Variants in MYH3 observed in about 807,000 individuals in gnomAD.
MYH3 encodes the protein myosin heavy chain 3, also known as myosin-3.
Under a neutral mutation model 238.0 loss-of-function variants are expected in MYH3, and 130 were observed. The ratio of observed to expected loss-of-function variants is 0.55; its 90% CI spans 0.47 to 0.63. MYH3 has a LOEUF of 0.63. Ranked by LOEUF, MYH3 falls within the 30% of genes least tolerant of loss-of-function variation. The pLI, the probability that MYH3 is intolerant of heterozygous loss-of-function variation, is 0.00. For missense variants in MYH3, 1,853 were observed against 2,374.9 expected, an observed-to-expected ratio of 0.78 and a Z score of 4.57; for synonymous variants, 880 against 924.1, an observed-to-expected ratio of 0.95 and a Z score of 0.86.
the MYH3 span, among the ~76,000 whole-genome samples, chr17:10,668,364 C>A: frequency 6.6e-6 from 1 of 152,236 alleles, no homozygotes; most frequent in East Asian, 1.9e-4. Flanking sequence ...CACTGTACTC[C>A]AGCCTGGGGG....
At chr17:10,637,325 G>A (rs1485648080) in intron 28 of MYH3, among the ~76,000 whole-genome samples, 1 of 152,110 alleles carries the variant, frequency 6.6e-6, no homozygotes, top group Non-Finnish European at 1.5e-5. Flanking sequence ...CTCCCAAAGT[G>A]CTGGGTTGAC....
intron 28 of MYH3, among the ~76,000 whole-genome samples, chr17:10,637,561 G>T (rs2074227087): frequency 1.3e-5 from 2 of 152,148 alleles, no homozygotes; most frequent in African/African-American, 4.8e-5. Flanking sequence ...TGAATGAGAT[G>T]ATATTTTGAG....
the MYH3 span, among the ~76,000 whole-genome samples, chr17:10,666,972 T>C: frequency 4.6e-5 from 7 of 151,922 alleles, no homozygotes; most frequent in Non-Finnish European, 8.8e-5. Context: ...TTTAAACATA[T>C]GAAAAATGCT....
In MYH3 at chr17:10,640,563, C is replaced by T. The variant is rs573273231; in HGVS notation, c.2289G>A (p.Lys763=). The part of the protein sequence containing the change: ...DHTQYKFGHT[K]VFFKAGLLGT... ...GCATCTGTCAGAACTGATGCATTAC[C>T]TTGGTATGTCCAAATTTGTACTGAG... Residue 763 remains lysine, a splice_region_variant and synonymous_variant, in exon 20 of 41, where the codon AAG becomes AAA. Transcript: ENST00000583535. 6.2e-7 allele frequency: 1 copy of T among 1,614,236 alleles called. No individual in the cohort carries two copies. Among genetic ancestry groups the T allele is most frequent in the South Asian group, 1.1e-5 (1 of 91,084 alleles).
At position 10,630,011 on chromosome 17, in the gene MYH3, G is replaced by C. The variant is rs1036053893; in HGVS notation, c.5563-74C>G. ...GCACACGGCATGGGCAGCTTTCTGG[G>C]CCAAAGTGTTTCTTCCTGTGGTTTG... On this transcript the variant is annotated intron_variant, in intron 38 of 40. Transcript: ENST00000583535. 5.0e-6 allele frequency: 8 copies of C among 1,603,922 alleles called. No homozygotes were observed. In the Admixed American group the frequency reaches 6.7e-5, roughly 13 times the overall value.
At chr17:10,629,960 G>C (rs1303745159) in intron 38 of MYH3, 23 bp from the exon 39 acceptor site, 1 of 1,613,094 alleles carries the variant, frequency 6.2e-7, no homozygotes, top group Non-Finnish European at 8.5e-7. Flanking sequence ...AAGTGGGAAT[G>C]TCACTGGAGA....
Position 10,644,340 on chromosome 17 carries a change from G to A in MYH3, c.1410+11C>T. On this transcript the variant is annotated intron_variant, in intron 14 of 40. Coordinates refer to ENST00000583535, the MANE Select transcript of MYH3 (RefSeq NM_002470.4). The stretch of plus-strand genomic sequence containing the variant: ...AAGCCATATGAAAATATGAATATAA[G>A]TAACACAAACCTCAAAGATTTCAAA... 1 of 1,612,852 alleles carries A rather than the reference G, an allele frequency of 6.2e-7. No individual in the cohort carries two copies. The highest frequency in any genetic ancestry group is 8.5e-7 in the Non-Finnish European group (1 of 1,178,914).
intron 4 of MYH3, chr17:10,651,944 T>C (rs2074380132): frequency 2.3e-6 from 1 of 426,974 alleles, no homozygotes; most frequent in Non-Finnish European, 4.3e-6. Flanking sequence ...GGCTTCACCA[T>C]GTTGGCCAGA....
chr17:10,671,809 G>A, the MYH3 span, among the ~76,000 whole-genome samples: 1 of 151,924 alleles, frequency 6.6e-6, no homozygotes, highest in East Asian at 1.9e-4. Flanking sequence ...TCGATCTCCT[G>A]ACCTTGTGAT....
the MYH3 span, among the ~76,000 whole-genome samples, chr17:10,666,326 TCACAA>T: frequency 1.3e-5 from 2 of 152,164 alleles, no homozygotes; most frequent in Admixed American, 1.3e-4. Context: ...ATGCTTGTAA[TCACAA>T]CACGTTGGCC....
the MYH3 span, among the ~76,000 whole-genome samples, chr17:10,669,761 A>G: frequency 2.6e-5 from 4 of 151,956 alleles, no homozygotes; most frequent in Non-Finnish European, 5.9e-5. Flanking sequence ...AAACAAAAAA[A>G]TCAGCTGGGC....
chr17:10,650,696 AT>A (rs1173613000), intron 5 of MYH3, among the ~76,000 whole-genome samples: 1 of 152,160 alleles, frequency 6.6e-6, no homozygotes, highest in African/African-American at 2.4e-5. Flanking sequence ...TCACATACTT[AT>A]TTTTTTGTGG....
intron 10 of MYH3, 145 bp from the exon 11 acceptor site, chr17:10,646,177 A>G (rs764474310): frequency 1.6e-5 from 12 of 744,186 alleles, no homozygotes; most frequent in Non-Finnish European, 2.4e-5. Context: ...AGACAGTTCC[A>G]CAATACTCAG....
At chr17:10,652,279 T>C (rs769198994) in intron 4 of MYH3, 141 bp downstream of exon 4, 5 of 1,092,020 alleles carry the variant, frequency 4.6e-6, no homozygotes, top group Non-Finnish European at 6.9e-6. Context: ...GCCTTCTTTC[T>C]CCTCCGTCTT....
At chr17:10,632,320 T>C (rs2074170760) in intron 34 of MYH3, among the ~76,000 whole-genome samples, 156 bp downstream of exon 34, 1 of 152,190 alleles carries the variant, frequency 6.6e-6, no homozygotes, top group South Asian at 2.1e-4. Flanking sequence ...GGTTTTGCTA[T>C]ATTGCCCAGG....
At chr17:10,650,582 T>C (rs918917188) in intron 5 of MYH3, among the ~76,000 whole-genome samples, 181 bp from the exon 6 acceptor site, 1 of 152,210 alleles carries the variant, frequency 6.6e-6, no homozygotes, top group African/African-American at 2.4e-5. Flanking sequence ...TTATTTTTAA[T>C]TGACAAACAA....
At chr17:10,644,280 C>T (rs1211869622) in intron 14 of MYH3, 71 bp downstream of exon 14, 40 of 1,510,854 alleles carry the variant, frequency 2.6e-5, no homozygotes, top group Non-Finnish European at 3.6e-5. Flanking sequence ...TTGCTATCTT[C>T]CCTTTAGGAT....
In MYH3 at chr17:10,647,822, C is replaced by T. The variant is rs550485148; in HGVS notation, c.736-396G>A. ...CCTCCCAAAGTGCTGGGATTACAGG[C>T]GTGAGCCACCGTGCCCAGCACCCCC... On this transcript the variant is annotated intron_variant, in intron 8 of 40. Coordinates refer to ENST00000583535, the MANE Select transcript of MYH3 (RefSeq NM_002470.4). 8.4e-4 allele frequency among the ~76,000 whole-genome samples: 128 copies of T among 152,340 alleles called. 1 individual carries two copies. Among genetic ancestry groups the T allele is most frequent in the African/African-American group, 3.1e-3 (127 of 41,574 alleles).
chr17:10,650,263 A>G, intron 6 of MYH3, 111 bp downstream of exon 6: 1 of 1,124,770 alleles, frequency 8.9e-7, no homozygotes, highest in Non-Finnish European at 1.3e-6. Flanking sequence ...GGTGTCAGCC[A>G]CCGCGCCCAG....
Sources: gnomAD v4.1 joint callset for allele counts (sites outside exome capture counted in the v4.1 genomes callset) on GRCh38, gnomAD v4.1.1 for gene constraint, MANE v1.5 for transcripts, NCBI Gene and HGNC (gene_info 2026-07-23, HGNC 2026-07-21) for gene names.